Variants in TENM1 observed in about 807,000 individuals in gnomAD.
The protein encoded by TENM1 is teneurin-1.
In TENM1, 35 loss-of-function variants were observed where a neutral mutation model predicts 174.8. The ratio of observed to expected loss-of-function variants is 0.20; its 90% confidence interval spans 0.15 to 0.27. The LOEUF (loss-of-function observed/expected upper bound fraction) is 0.27. TENM1 is among the 10% of genes least tolerant of loss of function. TENM1 has a pLI of 1.00. For missense variants in TENM1, 1,633 were observed against 2,130.1 expected (o/e 0.77, Z 4.59); for synonymous variants, 781 against 798.7 (o/e 0.98, Z 0.37).
intron 3 of TENM1, among the ~76,000 whole-genome samples, chrX:124,813,273 A>G (rs1603224835): frequency 9.0e-6 from 1 of 111,665 alleles, no homozygotes; most frequent in African/African-American, 3.2e-5. Context: ...TCAGATGGGC[A>G]GGATTAAAAA....
chrX:124,941,786 T>C (rs1410030696), intron 1 of TENM1, among the ~76,000 whole-genome samples: 3 of 111,776 alleles, frequency 2.7e-5, no homozygotes, highest in Non-Finnish European at 5.6e-5. Flanking sequence ...TTCAAGCTGC[T>C]GATAAAGACA....
At chrX:125,041,038 C>T in the TENM1 span, among the ~76,000 whole-genome samples, 3 of 111,210 alleles carry the variant, frequency 2.7e-5, no homozygotes, top group East Asian at 2.9e-4. Context: ...ACCAATAATG[C>T]GACATCCCTA....
the TENM1 span, among the ~76,000 whole-genome samples, chrX:124,987,998 T>C: frequency 1.8e-5 from 2 of 111,246 alleles, no homozygotes; most frequent in Non-Finnish European, 3.8e-5. Flanking sequence ...TACAAGATAA[T>C]AGATTGCTTC....
intron 1 of TENM1, among the ~76,000 whole-genome samples, chrX:124,914,357 G>A (rs2057887610): frequency 9.0e-6 from 1 of 111,389 alleles, no homozygotes; most frequent in African/African-American, 3.3e-5. Flanking sequence ...ACAGAGGAGA[G>A]GAAGAATAGA....
intron 14 of TENM1, among the ~76,000 whole-genome samples, chrX:124,551,332 G>A (rs2048562345): frequency 9.0e-6 from 1 of 111,498 alleles, no homozygotes; most frequent in Admixed American, 9.6e-5. Context: ...ACATATAGAA[G>A]TAGACAACCG....
intron 24 of TENM1, 144 bp from the exon 28 acceptor site, chrX:124,420,965 A>C: frequency 1.9e-6 from 1 of 536,043 alleles, no homozygotes; most frequent in Non-Finnish European, 3.0e-6. Context: ...TCCCTGAAAA[A>C]TATGAAGCCT....
chrX:124,740,427 C>A (rs1231608830), intron 3 of TENM1, among the ~76,000 whole-genome samples: 1 of 101,542 alleles, frequency 9.8e-6, no homozygotes, highest in Non-Finnish European at 1.9e-5. Context: ...AAAGTGCAAT[C>A]ATAGTATTAT....
the TENM1 span, among the ~76,000 whole-genome samples, chrX:125,135,037 A>G: frequency 0.016 from 1,727 of 111,388 alleles, 16 homozygotes; most frequent in Middle Eastern, 0.028. Context: ...TCCAAACAAG[A>G]ATTTTATGAA....
intron 3 of TENM1, among the ~76,000 whole-genome samples, chrX:124,881,110 T>C (rs1444413522): frequency 5.4e-5 from 6 of 112,010 alleles, no homozygotes; most frequent in Non-Finnish European, 1.1e-4. Flanking sequence ...GAATTGGTGT[T>C]AGTTCTTAGA....
rs57631871 is a variant in TENM1 at position 124,437,620 on chromosome X, C to T, written c.4105-14982G>A. On this transcript the variant is annotated intron_variant, in intron 23 of 31. Transcript: ENST00000422452. The stretch of plus-strand genomic sequence containing the variant: ...TACCAAATGGTTCATGAAGTTGCCC[C>T]GTGACAACATTTCCTATGTGCTCAA... Among the ~76,000 whole-genome samples the T allele has an allele frequency of 6.6e-3, 742 of 111,587 alleles. 4 individuals are homozygous for T. The highest frequency in any genetic ancestry group is 0.023 in the African/African-American group (691 of 30,694).
intron 6 of TENM1, among the ~76,000 whole-genome samples, chrX:124,662,134 C>G (rs1022804269): frequency 9.0e-6 from 1 of 110,915 alleles, no homozygotes; most frequent in South Asian, 3.8e-4. Flanking sequence ...GTGTCTCCCT[C>G]TCTATTGGCT....
rs145957685 is a variant in TENM1 at position 124,485,809 on chromosome X, A to C, written c.3716+1400T>G. 3.9e-3 allele frequency among the ~76,000 whole-genome samples: 436 copies of C among 111,649 alleles called. 3 individuals are homozygous for C. The highest frequency in any genetic ancestry group is 0.013 in the African/African-American group (408 of 30,769). ...GCCTGGACCAAGATTAGACTAGATT[A>C]TATGTGATTTTGTGTGCAAAATACC... On this transcript the variant is annotated intron_variant, in intron 21 of 31. Coordinates refer to ENST00000422452, the Ensembl canonical transcript of TENM1.
intron 25 of TENM1, among the ~76,000 whole-genome samples, chrX:124,410,212 G>A (rs2060517204): frequency 9.0e-6 from 1 of 111,332 alleles, no homozygotes; most frequent in Non-Finnish European, 1.9e-5. Context: ...CAGAAATAAT[G>A]CTGCATATCT....
At chrX:124,578,932 T>C (rs1208444178) in intron 11 of TENM1, among the ~76,000 whole-genome samples, 2 of 112,308 alleles carry the variant, frequency 1.8e-5, no homozygotes, top group African/African-American at 6.5e-5. Flanking sequence ...AATTTGTTGA[T>C]TTGAACTGAA....
At chrX:125,065,871 A>C in the TENM1 span, among the ~76,000 whole-genome samples, 1 of 111,797 alleles carries the variant, frequency 8.9e-6, no homozygotes, top group Non-Finnish European at 1.9e-5. Context: ...AGGCTGTGTA[A>C]ATGGAAATGT....
At chrX:124,698,618 G>A (rs1268626481) in intron 5 of TENM1, among the ~76,000 whole-genome samples, 1 of 110,932 alleles carries the variant, frequency 9.0e-6, no homozygotes, top group African/African-American at 3.3e-5. Flanking sequence ...GCAAATAATT[G>A]TCTTGCCCTA....
chrX:125,141,259 G>A, the TENM1 span, among the ~76,000 whole-genome samples: 1 of 111,965 alleles, frequency 8.9e-6, no homozygotes, highest in Non-Finnish European at 1.9e-5. Context: ...GTTAGGGCCA[G>A]GCCATCCATA....
chrX:125,180,651 C>T, the TENM1 span, among the ~76,000 whole-genome samples: 1 of 110,698 alleles, frequency 9.0e-6, no homozygotes, highest in African/African-American at 3.3e-5. Context: ...TCACAAGCAA[C>T]ATTAGAAAAC....
intron 1 of TENM1, among the ~76,000 whole-genome samples, chrX:124,933,495 A>T (rs1007491318): frequency 8.9e-6 from 1 of 112,453 alleles, no homozygotes; most frequent in African/African-American, 3.2e-5. Flanking sequence ...TTCAAAGTGC[A>T]CTTTAAAAGG....
Sources: allele counts gnomAD v4.1 joint callset (sites outside exome capture counted in the v4.1 genomes callset), GRCh38; gene constraint gnomAD v4.1.1; transcripts MANE v1.5; gene names NCBI Gene and HGNC (gene_info 2026-07-23, HGNC 2026-07-21).